Variants in TANC2 observed in about 807,000 individuals in gnomAD.
The protein encoded by TANC2 is protein TANC2.
A neutral mutation model predicts 210.5 loss-of-function variants in TANC2; 26 were observed. That is an observed-to-expected ratio of 0.12 (90% CI 0.09 to 0.17). TANC2 has a LOEUF of 0.17. TANC2 is among the 10% of genes least tolerant of loss of function. The pLI is 1.00. For missense variants in TANC2, 2,129 were observed against 2,608.9 expected, an observed-to-expected ratio of 0.82 and a Z score of 4.01; for synonymous variants, 931 against 967.1, an observed-to-expected ratio of 0.96 and a Z score of 0.69.
intron 9 of TANC2, among the ~76,000 whole-genome samples, chr17:63,302,737 CTT>C (rs1414270658): frequency 7.4e-5 from 11 of 149,144 alleles, no homozygotes; most frequent in East Asian, 6.1e-4. Flanking sequence ...GGTCTTGACT[CTT>C]TATCCGATTT....
chr17:63,295,346 G>T (rs918784149), intron 9 of TANC2, among the ~76,000 whole-genome samples: 2 of 152,162 alleles, frequency 1.3e-5, no homozygotes, highest in Non-Finnish European at 2.9e-5. Context: ...AATAAAATAT[G>T]ATGAGGCATT....
chr17:63,232,078 G>A (rs1429044348), intron 7 of TANC2, among the ~76,000 whole-genome samples: 3 of 152,162 alleles, frequency 2.0e-5, no homozygotes, highest in Non-Finnish European at 4.4e-5. Context: ...ACATTGTGAA[G>A]TTCTTGTTTT....
At chr17:63,258,722 C>CT (rs2043270684) in intron 8 of TANC2, among the ~76,000 whole-genome samples, 1 of 152,052 alleles carries the variant, frequency 6.6e-6, no homozygotes, top group South Asian at 2.1e-4. Flanking sequence ...TGGGTCTCTC[C>CT]TTTCAGGGTA....
At chr17:63,357,618 T>C (rs1014801146) in intron 14 of TANC2, among the ~76,000 whole-genome samples, 3 of 152,232 alleles carry the variant, frequency 2.0e-5, no homozygotes, top group African/African-American at 7.2e-5. Flanking sequence ...CTCAGCCCCC[T>C]CCCCAGCAAT....
intron 14 of TANC2, among the ~76,000 whole-genome samples, chr17:63,368,776 A>G (rs534033014): frequency 1.3e-5 from 2 of 152,244 alleles, no homozygotes; most frequent in African/African-American, 4.8e-5. Context: ...AGAGACCACT[A>G]CCATAGACTC....
intron 14 of TANC2, among the ~76,000 whole-genome samples, chr17:63,375,756 C>T (rs1409956851): frequency 6.6e-6 from 1 of 151,716 alleles, no homozygotes; most frequent in Admixed American, 6.6e-5. Context: ...ATAACTTACT[C>T]AAAAAATAAC....
chr17:63,080,701 C>G (rs1350387418), intron 3 of TANC2, among the ~76,000 whole-genome samples: 1 of 152,070 alleles, frequency 6.6e-6, no homozygotes, highest in African/African-American at 2.4e-5. Flanking sequence ...ATTCTTCAGT[C>G]TGGAAAGTTA....
chr17:63,319,490 A>G (rs1489374508), intron 11 of TANC2, among the ~76,000 whole-genome samples: 2 of 152,180 alleles, frequency 1.3e-5, no homozygotes, highest in African/African-American at 4.8e-5. Flanking sequence ...AGCTGGGACT[A>G]CAGGTGCGTG....
intron 2 of TANC2, among the ~76,000 whole-genome samples, chr17:63,020,926 G>A (rs1384374062): frequency 6.6e-6 from 1 of 151,934 alleles, no homozygotes; most frequent in Non-Finnish European, 1.5e-5. Context: ...TTGAGAGAGG[G>A]GTGTAGGAGC....
At chr17:63,061,421 A>T (rs190769894) in intron 2 of TANC2, among the ~76,000 whole-genome samples, 2 of 152,266 alleles carry the variant, frequency 1.3e-5, no homozygotes, top group Admixed American at 1.3e-4. Context: ...GTTTTGCTTA[A>T]ATACTCAAAT....
chr17:63,037,621 C>G (rs1208123342), intron 2 of TANC2, among the ~76,000 whole-genome samples: 2 of 151,942 alleles, frequency 1.3e-5, no homozygotes, highest in Non-Finnish European at 2.9e-5. Context: ...CAAGACCAGC[C>G]TGGCCAACAT....
chr17:63,421,899 C>G lies in TANC2; in HGVS notation c.6169C>G (p.Gln2057Glu). ...CAGGCAGCTGTCCCGAGACTCTCGG[C>G]AAGGGCAGACATCCCCTATCAAACC... Residue 2057 changes from glutamine to glutamate, a missense_variant, in exon 28 of 28, where the codon CAA becomes GAA. This residue lies in a region of TANC2 where 161 missense variants were observed against 178.6 expected (regional missense o/e 0.90). Transcript: ENST00000689528. The surrounding 1 kb of genome is among the most constrained non-coding windows in gnomAD (Gnocchi z 6.9). The G allele has an allele frequency of 1.2e-6, 2 of 1,613,920 alleles. No individual in the cohort carries two copies. The highest frequency in any genetic ancestry group is 1.7e-6 in the Non-Finnish European group (2 of 1,179,818).
chr17:63,349,774 G>A (rs573676533), intron 12 of TANC2, among the ~76,000 whole-genome samples: 6 of 152,138 alleles, frequency 3.9e-5, no homozygotes, highest in Non-Finnish European at 8.8e-5. Flanking sequence ...GGGAGCCAGA[G>A]CCTTCAAAAT....
chr17:63,077,833 G>A (rs113655574), intron 3 of TANC2, among the ~76,000 whole-genome samples: 1 of 152,190 alleles, frequency 6.6e-6, no homozygotes, highest in African/African-American at 2.4e-5. Flanking sequence ...GGACTATTAT[G>A]ATAGGAAACA....
intron 1 of TANC2, among the ~76,000 whole-genome samples, chr17:62,979,038 C>T (rs989730316): frequency 6.6e-6 from 1 of 152,188 alleles, no homozygotes; most frequent in African/African-American, 2.4e-5. Flanking sequence ...TTTGACCAGA[C>T]ATAGTATTCA....
chr17:63,368,655 G>A (rs1208262727), intron 14 of TANC2, among the ~76,000 whole-genome samples: 1 of 151,830 alleles, frequency 6.6e-6, no homozygotes, highest in African/African-American at 2.4e-5. Flanking sequence ...ACTGCAATAA[G>A]GCAAAGGGTA....
chr17:63,427,695 C>T (rs2049176446), exon 28 of TANC2: 2 of 152,258 alleles, frequency 1.3e-5, no homozygotes, highest in African/African-American at 4.8e-5. Context: ...ATGGCTAACA[C>T]TTGGAAAACC....
chr17:63,110,497 C>T (rs1258396322), intron 4 of TANC2, among the ~76,000 whole-genome samples: 1 of 151,650 alleles, frequency 6.6e-6, no homozygotes. Context: ...GTTCTGGTGG[C>T]TGGGAAGTCT....
intron 12 of TANC2, among the ~76,000 whole-genome samples, chr17:63,347,239 C>G (rs143714136): frequency 6.6e-6 from 1 of 152,116 alleles, no homozygotes; most frequent in African/African-American, 2.4e-5. Flanking sequence ...TAAAAAGGAA[C>G]AAAATAATAG....
Sources: allele counts gnomAD v4.1 joint callset (sites outside exome capture counted in the v4.1 genomes callset), GRCh38; gene constraint gnomAD v4.1.1; regional missense constraint gnomAD v4.1.1; non-coding constraint Gnocchi (gnomAD v3.1); transcripts MANE v1.5; gene names NCBI Gene and HGNC (gene_info 2026-07-23, HGNC 2026-07-21).